GABRG3: variants seen among roughly 807,000 people sequenced by gnomAD.
GABRG3 encodes gamma-aminobutyric acid receptor subunit gamma-3.
In GABRG3, 25 loss-of-function variants were observed where a neutral mutation model predicts 48.8. The observed-to-expected ratio is 0.51, with a 90% CI of 0.37 to 0.72. The LOEUF (loss-of-function observed/expected upper bound fraction) is 0.72. Ranked by LOEUF, GABRG3 falls within the 30% of genes least tolerant of loss-of-function variation. The pLI is 0.00. For missense variants in GABRG3, 394 were observed against 577.9 expected (o/e 0.68, Z 3.26); for synonymous variants, 227 against 217.6 (o/e 1.04, Z -0.38).
At chr15:27,157,491 C>G (rs1898463182) in intron 3 of GABRG3, 3 of 152,142 alleles carry the variant, frequency 2.0e-5, no homozygotes, top group Non-Finnish European at 2.9e-5. Context: ...TGTCTATACC[C>G]CTGCCTTTCA....
At chr15:27,041,122 T>C (rs1399733696) in intron 3 of GABRG3, among the ~76,000 whole-genome samples, 5 of 152,236 alleles carry the variant, frequency 3.3e-5, no homozygotes, top group African/African-American at 1.2e-4. Flanking sequence ...TATGCACCAT[T>C]CACAATGCTT....
Position 27,535,862 on chromosome 15 carries a change from C to T in GABRG3, c.*2981C>T, listed in dbSNP as rs898519929. ...GTGGGGAGAGTGGGAAGGAAGTACGCTTTCTTTCACTAAAGACTCTCTTTG... is the reference window on the plus strand; with the variant it reads ...GTGGGGAGAGTGGGAAGGAAGTACGTTTTCTTTCACTAAAGACTCTCTTTG... On this transcript the variant is annotated 3_prime_UTR_variant, in exon 10 of 10. Coordinates refer to ENST00000615808, the MANE Select transcript of GABRG3 (RefSeq NM_033223.5). 2.6e-5 allele frequency: 4 copies of T among 152,272 alleles called. No individual in the cohort carries two copies. The highest frequency in any genetic ancestry group is 4.8e-5 in the African/African-American group (2 of 41,436). The allele number at this position is 152,272 out of a possible 1,614,324, so 9.4% of individuals were successfully genotyped here.
chr15:27,027,738 GAATA>G (rs1365303580), intron 3 of GABRG3, among the ~76,000 whole-genome samples: 1 of 152,212 alleles, frequency 6.6e-6, no homozygotes, highest in Non-Finnish European at 1.5e-5. Flanking sequence ...GAAGTGGAAT[GAATA>G]AAGGAGAATT....
chr15:27,027,012 A>C, intron 3 of GABRG3, 191 bp downstream of exon 3: 1 of 467,608 alleles, frequency 2.1e-6, no homozygotes, highest in Middle Eastern at 5.1e-4. Flanking sequence ...TGATGGTAGT[A>C]GCATTTCCAC....
chr15:27,300,308 C>T (rs1205494392), intron 3 of GABRG3, among the ~76,000 whole-genome samples: 1 of 152,130 alleles, frequency 6.6e-6, no homozygotes, highest in Non-Finnish European at 1.5e-5. Flanking sequence ...ACTCAACAGA[C>T]ACCCATGCCA....
chr15:27,194,816 A>G (rs985145838), intron 3 of GABRG3, among the ~76,000 whole-genome samples: 1 of 150,844 alleles, frequency 6.6e-6, no homozygotes, highest in Non-Finnish European at 1.5e-5. Flanking sequence ...GTTTTCAGCC[A>G]TTATTTCTTG....
intron 3 of GABRG3, among the ~76,000 whole-genome samples, chr15:27,306,056 C>A (rs1438592660): frequency 1.1e-5 from 1 of 91,760 alleles, no homozygotes; most frequent in African/African-American, 4.2e-5. Context: ...TAATATAAAC[C>A]TATATGTTTA....
At chr15:27,024,370 T>C (rs1213067054) in intron 2 of GABRG3, among the ~76,000 whole-genome samples, 1 of 152,218 alleles carries the variant, frequency 6.6e-6, no homozygotes, top group African/African-American at 2.4e-5. Flanking sequence ...ATCCAAGAGA[T>C]TGTTGTTAAA....
At position 27,231,925 on chromosome 15, in the gene GABRG3, A is replaced by G. The variant is rs1457820739; in HGVS notation, c.271-94884A>G. ...CTAAACCATAGATGGAGAAACTGTA[A>G]TGCTACTCTCATTTACCTGAGGTTC... On this transcript the variant is annotated intron_variant, in intron 3 of 9. Transcript: ENST00000615808. Among the ~76,000 whole-genome samples the G allele has an allele frequency of 2.0e-5, 3 of 152,148 alleles. No individual in the cohort carries two copies. In the East Asian group the frequency reaches 5.8e-4, roughly 29 times the overall value.
At chr15:27,377,415 C>CTGA (rs1895631675) in intron 5 of GABRG3, among the ~76,000 whole-genome samples, 1 of 152,222 alleles carries the variant, frequency 6.6e-6, no homozygotes, top group African/African-American at 2.4e-5. Flanking sequence ...TTTCATGCTG[C>CTGA]TGATAAAGAC....
chr15:27,501,053 A>G (rs376304697), intron 6 of GABRG3, among the ~76,000 whole-genome samples: 60 of 148,464 alleles, frequency 4.0e-4, no homozygotes, highest in Non-Finnish European at 6.5e-4. Context: ...CCGGGTTCAC[A>G]CCATTCTCCT....
intron 3 of GABRG3, among the ~76,000 whole-genome samples, chr15:27,284,751 A>G (rs1440955988): frequency 6.6e-6 from 1 of 152,230 alleles, no homozygotes; most frequent in Non-Finnish European, 1.5e-5. Flanking sequence ...ATCTGCAGAC[A>G]GGACTGTTGC....
rs1329366888 is a variant in GABRG3, at chr15:26,971,186, G to C, written c.-350G>C. ...CCAGCTGCCCCCACCTCCCAGCACA[G>C]CGCACACAGCCCCGGCCTGGGCACC... On this transcript the variant is annotated 5_prime_UTR_variant, in exon 1 of 10. Coordinates refer to ENST00000615808, the MANE Select transcript of GABRG3 (RefSeq NM_033223.5). The C allele has an allele frequency of 6.6e-6, 1 of 151,814 alleles. No homozygotes were observed. Among genetic ancestry groups the C allele is most frequent in the African/African-American group, 2.4e-5 (1 of 41,400 alleles). The allele number at this position is 151,814 out of a possible 1,614,324, so 9.4% of individuals were successfully genotyped here. A position where few individuals can be genotyped will look rare whatever the true frequency, so the allele number is the denominator to read the frequency against.
intron 5 of GABRG3, among the ~76,000 whole-genome samples, chr15:27,369,806 CAAAAAAAAA>C (rs34901488): frequency 0.019 from 576 of 30,278 alleles, 13 homozygotes; most frequent in African/African-American, 0.047. Flanking sequence ...GACTCCGTCT[CAAAAAAAAA>C]AAAAAAAAAA....
intron 5 of GABRG3, among the ~76,000 whole-genome samples, chr15:27,440,619 G>A (rs1247630237): frequency 1.3e-5 from 2 of 152,148 alleles, no homozygotes; most frequent in Non-Finnish European, 1.5e-5. Flanking sequence ...GGCCAGGCAC[G>A]ATCAACCATA....
At chr15:27,403,281 C>T (rs1017466003) in intron 5 of GABRG3, among the ~76,000 whole-genome samples, 1 of 152,020 alleles carries the variant, frequency 6.6e-6, no homozygotes, top group African/African-American at 2.4e-5. Context: ...AGGCAATGCT[C>T]TTTTACCAAA....
At chr15:27,306,390 G>A (rs984520270) in intron 3 of GABRG3, among the ~76,000 whole-genome samples, 2 of 135,844 alleles carry the variant, frequency 1.5e-5, no homozygotes, top group East Asian at 2.3e-4. Flanking sequence ...ATGTCTACAT[G>A]TAAACATATA....
chr15:26,994,469 G>A (rs2140649953), intron 2 of GABRG3, among the ~76,000 whole-genome samples: 1 of 151,848 alleles, frequency 6.6e-6, no homozygotes, highest in African/African-American at 2.4e-5. Context: ...CATGCAAAAG[G>A]AAAACTAATA....
chr15:27,043,500 G>A (rs1896312540), intron 3 of GABRG3, among the ~76,000 whole-genome samples: 4 of 152,146 alleles, frequency 2.6e-5, no homozygotes, highest in African/African-American at 9.7e-5. Flanking sequence ...GGTATCATAG[G>A]AAGTCCCCTC....
Sources: allele counts gnomAD v4.1 joint callset (sites outside exome capture counted in the v4.1 genomes callset), GRCh38; gene constraint gnomAD v4.1.1; transcripts MANE v1.5; gene names NCBI Gene and HGNC (gene_info 2026-07-23, HGNC 2026-07-21).